The following EMID1 variants were observed in gnomAD, a reference collection of about 807,000 sequenced individuals.
EMID1 encodes the protein EMI domain-containing protein 1.
Under a neutral mutation model 60.6 loss-of-function variants are expected in EMID1, and 40 were observed. That is an observed-to-expected ratio of 0.66 (90% CI 0.51 to 0.86). EMID1 has a LOEUF of 0.86. EMID1 is among the 40% of genes least tolerant of loss of function. EMID1 has a pLI of 0.00. For missense variants in EMID1, 585 were observed against 597.1 expected, an observed-to-expected ratio of 0.98 and a Z score of 0.21; for synonymous variants, 242 against 231.0, an observed-to-expected ratio of 1.05 and a Z score of -0.43.
chr22:29,250,028 G>C (rs911962532), intron 13 of EMID1, among the ~76,000 whole-genome samples: 2 of 152,192 alleles, frequency 1.3e-5, no homozygotes, highest in African/African-American at 4.8e-5. Context: ...GCTCTTTTGA[G>C]CCCAAGAGTT....
At chr22:29,248,845 A>T (rs2041422990) in intron 13 of EMID1, among the ~76,000 whole-genome samples, 1 of 152,076 alleles carries the variant, frequency 6.6e-6, no homozygotes, top group African/African-American at 2.4e-5. Flanking sequence ...TGTCTCAAAA[A>T]TAAATAAGTA....
intron 3 of EMID1, among the ~76,000 whole-genome samples, chr22:29,217,528 C>T (rs558642805): frequency 7.9e-5 from 12 of 152,332 alleles, no homozygotes; most frequent in Non-Finnish European, 1.6e-4. Flanking sequence ...CAGCATTCTT[C>T]TCATGCCCAC....
chr22:29,211,508 T>C (rs1444736603), intron 1 of EMID1, among the ~76,000 whole-genome samples: 2 of 151,184 alleles, frequency 1.3e-5, no homozygotes, highest in Non-Finnish European at 3.0e-5. Context: ...TGTGTGCGTG[T>C]ATCTGTGTGT....
At chr22:29,226,437 G>A (rs2040512196) in intron 4 of EMID1, 53 bp from the exon 5 acceptor site, 28 of 1,590,482 alleles carry the variant, frequency 1.8e-5, no homozygotes, top group Non-Finnish European at 2.3e-5. Flanking sequence ...GAAGGGTTCT[G>A]AGGGGAAGCC....
intron 13 of EMID1, 95 bp downstream of exon 13, chr22:29,243,584 A>G: frequency 7.0e-7 from 1 of 1,432,256 alleles, no homozygotes; most frequent in Non-Finnish European, 9.8e-7. Context: ...GAGTGGGAGC[A>G]TCCCATCCAC....
At chr22:29,231,962 G>A in intron 7 of EMID1, 1 of 575,542 alleles carries the variant, frequency 1.7e-6, no homozygotes, top group East Asian at 2.9e-5. Flanking sequence ...CTTCCATGCT[G>A]CTGGGAGCAG....
At chr22:29,220,869 C>A (rs1363361946) in intron 3 of EMID1, among the ~76,000 whole-genome samples, 1 of 152,120 alleles carries the variant, frequency 6.6e-6, no homozygotes, top group South Asian at 2.1e-4. Flanking sequence ...AGAAGAGCTG[C>A]TTATGGGGCC....
intron 3 of EMID1, among the ~76,000 whole-genome samples, chr22:29,220,455 T>A (rs2040250647): frequency 6.6e-6 from 1 of 152,242 alleles, no homozygotes; most frequent in East Asian, 1.9e-4. Context: ...CTCTGGTCAC[T>A]GGAAGCAAAT....
intron 12 of EMID1, among the ~76,000 whole-genome samples, chr22:29,237,373 G>T (rs1329499441): frequency 7.0e-6 from 1 of 142,606 alleles, no homozygotes; most frequent in Non-Finnish European, 1.5e-5. Context: ...TAGAGACAGG[G>T]TTTCACCATG....
intron 3 of EMID1, among the ~76,000 whole-genome samples, chr22:29,222,961 C>T (rs766658465): frequency 5.3e-5 from 8 of 152,102 alleles, no homozygotes; most frequent in Non-Finnish European, 1.2e-4. Flanking sequence ...CATTGTGGCA[C>T]GCTCCTGTTG....
At chr22:29,231,808 C>T (rs2040759638) in intron 7 of EMID1, 126 bp downstream of exon 7, 3 of 949,518 alleles carry the variant, frequency 3.2e-6, no homozygotes, top group Admixed American at 3.1e-5. Context: ...TCACTCAGCA[C>T]CCCACCACGG....
intron 13 of EMID1, among the ~76,000 whole-genome samples, chr22:29,251,193 C>A (rs1439061581): frequency 6.6e-6 from 1 of 151,914 alleles, no homozygotes; most frequent in Non-Finnish European, 1.5e-5. Context: ...TCAATCCTCC[C>A]ACCTCAGCCT....
intron 3 of EMID1, among the ~76,000 whole-genome samples, chr22:29,224,063 T>C (rs1249297505): frequency 6.6e-6 from 1 of 152,220 alleles, no homozygotes; most frequent in African/African-American, 2.4e-5. Flanking sequence ...CCCCTGTGCC[T>C]GGGCAAGTCA....
intron 3 of EMID1, among the ~76,000 whole-genome samples, chr22:29,222,795 A>C (rs1021513688): frequency 6.6e-6 from 1 of 152,218 alleles, no homozygotes; most frequent in African/African-American, 2.4e-5. Context: ...ATTCATCAAC[A>C]AAAGTTTTAT....
At chr22:29,210,410 A>AT (rs1160317910) in intron 1 of EMID1, among the ~76,000 whole-genome samples, 2 of 151,630 alleles carry the variant, frequency 1.3e-5, no homozygotes, top group Non-Finnish European at 2.9e-5. Flanking sequence ...CTAATTTTGT[A>AT]TTTTTAGTAG....
intron 13 of EMID1, among the ~76,000 whole-genome samples, chr22:29,244,831 G>T (rs1243099574): frequency 2.0e-5 from 3 of 152,068 alleles, no homozygotes; most frequent in Admixed American, 1.3e-4. Context: ...ACTGACAGGG[G>T]AGACATCTGG....
intron 1 of EMID1, among the ~76,000 whole-genome samples, chr22:29,212,531 T>G (rs1213168273): frequency 6.6e-6 from 1 of 151,254 alleles, no homozygotes; most frequent in African/African-American, 2.4e-5. Flanking sequence ...GGGCACGTCC[T>G]GGACCCCAGA....
chr22:29,233,287 G>T, intron 8 of EMID1, 92 bp from the exon 9 acceptor site: 1 of 1,381,682 alleles, frequency 7.2e-7, no homozygotes, highest in Non-Finnish European at 1.0e-6. Context: ...TGCCCCATAG[G>T]GCAGTCCAAG....
At chr22:29,219,303 G>A (rs891881932) in intron 3 of EMID1, among the ~76,000 whole-genome samples, 1 of 152,158 alleles carries the variant, frequency 6.6e-6, no homozygotes, top group Non-Finnish European at 1.5e-5. Context: ...AGATAGAGAG[G>A]CCGGGGCTCC....
Sources: allele counts gnomAD v4.1 joint callset (sites outside exome capture counted in the v4.1 genomes callset), GRCh38; gene constraint gnomAD v4.1.1; transcripts MANE v1.5; gene names NCBI Gene and HGNC (gene_info 2026-07-23, HGNC 2026-07-21).